RPS6KA2: variants seen among roughly 807,000 people sequenced by gnomAD.
RPS6KA2 encodes the protein ribosomal protein S6 kinase A2.
A neutral mutation model predicts 91.8 loss-of-function variants in RPS6KA2; 42 were observed. That is an observed-to-expected ratio of 0.46 (90% CI 0.36 to 0.59). The LOEUF (loss-of-function observed/expected upper bound fraction) is 0.59. Among genes scored for constraint, RPS6KA2 ranks in the 20% least tolerant of loss-of-function variants. The pLI, the probability that RPS6KA2 is intolerant of heterozygous loss-of-function variation, is 0.00. For synonymous variants in RPS6KA2, 414 were observed against 393.6 expected (o/e 1.05, Z -0.61); for missense variants, 798 against 978.5 (o/e 0.82, Z 2.46).
At chr6:166,574,953 C>T (rs928589634) in intron 1 of RPS6KA2, among the ~76,000 whole-genome samples, 1 of 152,062 alleles carries the variant, frequency 6.6e-6, no homozygotes, top group Non-Finnish European at 1.5e-5. Flanking sequence ...CTACTTTTGT[C>T]AACAGATAAG....
intron 3 of RPS6KA2, among the ~76,000 whole-genome samples, chr6:166,515,665 T>C (rs1782622465): frequency 6.6e-6 from 1 of 152,020 alleles, no homozygotes; most frequent in Non-Finnish European, 1.5e-5. Flanking sequence ...AGAATGAATG[T>C]AGGGAGGAAA....
At position 166,490,791 on chromosome 6, in the gene RPS6KA2, G is replaced by A. The variant is rs760344664; in HGVS notation, c.748-50C>T. The stretch of plus-strand genomic sequence containing the variant: ...GAGTTCATTCATCCAGATGGACCCG[G>A]CTTCACGGCAGAGTACCCCAGCAGG... On this transcript the variant is annotated intron_variant, in intron 8 of 20. Coordinates refer to ENST00000265678, the MANE Select transcript of RPS6KA2 (RefSeq NM_021135.6). This position sits in a 1 kb window ranked among gnomAD's most constrained non-coding sequence, Gnocchi z 4.2. The A allele has an allele frequency of 9.7e-6, 14 of 1,436,044 alleles. No homozygotes were observed. The highest frequency in any genetic ancestry group is 9.4e-5 in the South Asian group (8 of 85,106). The allele number at this position is 1,436,044 out of a possible 1,614,324, so 89.0% of individuals were successfully genotyped here. A position where few individuals can be genotyped will look rare whatever the true frequency, so the allele number is the denominator to read the frequency against.
intron 2 of RPS6KA2, among the ~76,000 whole-genome samples, chr6:166,788,591 A>G (rs1230965997): frequency 1.3e-5 from 2 of 152,322 alleles, no homozygotes; most frequent in Middle Eastern, 3.4e-3. Flanking sequence ...CAGAAACAGA[A>G]AACCAAATAC....
At chr6:166,685,470 T>G (rs2128568406) in intron 2 of RPS6KA2, among the ~76,000 whole-genome samples, 2 of 152,198 alleles carry the variant, frequency 1.3e-5, no homozygotes, top group South Asian at 4.1e-4. Context: ...GGGACAAGAG[T>G]CCAAGGATCC....
intron 2 of RPS6KA2, among the ~76,000 whole-genome samples, chr6:166,848,163 A>C (rs899060612): frequency 2.6e-5 from 4 of 152,236 alleles, no homozygotes; most frequent in Non-Finnish European, 4.4e-5. Context: ...AAATGCTTCA[A>C]CATCACTTAT....
At chr6:166,516,863 G>T (rs1000065489) in intron 3 of RPS6KA2, among the ~76,000 whole-genome samples, 2 of 152,220 alleles carry the variant, frequency 1.3e-5, no homozygotes, top group African/African-American at 4.8e-5. Flanking sequence ...GAAAAGGGGG[G>T]TTCCTACTCC....
intron 2 of RPS6KA2, among the ~76,000 whole-genome samples, chr6:166,774,720 G>A (rs754959167): frequency 4.6e-5 from 7 of 152,116 alleles, no homozygotes; most frequent in Non-Finnish European, 1.0e-4. Context: ...GCCCATATTG[G>A]GCTCCCAGCA....
intron 13 of RPS6KA2, among the ~76,000 whole-genome samples, chr6:166,449,850 AGGACCACCATGGGAACCACCACGC>A (rs764275816): frequency 0.1 from 9,094 of 86,936 alleles, 527 homozygotes; most frequent in East Asian, 0.3. Flanking sequence ...GACAACCACG[AGGACCACCATGGGAACCACCACGC>A]GGACCACCAT....
At chr6:166,713,942 CA>C (rs756329240) in intron 2 of RPS6KA2, among the ~76,000 whole-genome samples, 1 of 152,218 alleles carries the variant, frequency 6.6e-6, no homozygotes, top group Non-Finnish European at 1.5e-5. Flanking sequence ...CTGCTGCCAT[CA>C]CCCAGTTCCA....
chr6:166,529,940 G>A (rs188532685), intron 3 of RPS6KA2, among the ~76,000 whole-genome samples: 10 of 152,278 alleles, frequency 6.6e-5, no homozygotes, highest in East Asian at 1.9e-4. Context: ...GAAGTCCCAC[G>A]GACCTTCTAA....
chr6:166,839,453 TG>T (rs1780402868), intron 2 of RPS6KA2, among the ~76,000 whole-genome samples: 1 of 151,714 alleles, frequency 6.6e-6, no homozygotes, highest in Non-Finnish European at 1.5e-5. Flanking sequence ...GTACTATTGA[TG>T]TAGCAACTTT....
intron 1 of RPS6KA2, among the ~76,000 whole-genome samples, chr6:166,591,268 A>G (rs1006387554): frequency 3.3e-5 from 5 of 152,196 alleles, no homozygotes; most frequent in Non-Finnish European, 7.3e-5. Context: ...CGCGACCAAC[A>G]GTGCCACACT....
chr6:166,412,720 C>A lies in RPS6KA2; in HGVS notation c.*42G>T, dbSNP rs1326656774. On this transcript the variant is annotated 3_prime_UTR_variant, in exon 21 of 21. Coordinates refer to ENST00000265678, the MANE Select transcript of RPS6KA2 (RefSeq NM_021135.6). This position sits in a 1 kb window ranked among gnomAD's most constrained non-coding sequence, Gnocchi z 4.3. ...TCCGAGGCCGGGGTCTGTGAGCCCA[C>A]GAGGATGCTGGCAGGGGACGCTGGG... The A allele has an allele frequency of 3.2e-6, 5 of 1,551,306 alleles. No homozygotes were observed. The highest frequency in any genetic ancestry group is 4.4e-6 in the Non-Finnish European group (5 of 1,149,068).
At chr6:166,642,446 T>C (rs2128550610) in intron 2 of RPS6KA2, among the ~76,000 whole-genome samples, 1 of 152,332 alleles carries the variant, frequency 6.6e-6, no homozygotes, top group Non-Finnish European at 1.5e-5. Context: ...TATTGTATAA[T>C]TTGTGGACTT....
chr6:166,432,105 C>T (rs1779151864), intron 15 of RPS6KA2, among the ~76,000 whole-genome samples: 2 of 152,136 alleles, frequency 1.3e-5, no homozygotes, highest in Admixed American at 1.3e-4. Context: ...GCTCCCGGAT[C>T]CCAAACCCTG....
intron 1 of RPS6KA2, among the ~76,000 whole-genome samples, chr6:166,570,265 T>C (rs1178967191): frequency 6.6e-6 from 1 of 152,070 alleles, no homozygotes; most frequent in African/African-American, 2.4e-5. Flanking sequence ...AGCACCCCGG[T>C]ATGGAGAAAC....
At chr6:166,593,130 C>T (rs536093919) in intron 1 of RPS6KA2, among the ~76,000 whole-genome samples, 2 of 152,274 alleles carry the variant, frequency 1.3e-5, no homozygotes, top group African/African-American at 2.4e-5. Context: ...CCAAAGAAGG[C>T]GGCATGAAGT....
intron 2 of RPS6KA2, among the ~76,000 whole-genome samples, chr6:166,659,011 C>T (rs1440253219): frequency 1.3e-5 from 2 of 152,140 alleles, no homozygotes; most frequent in Non-Finnish European, 2.9e-5. Context: ...ATACATGCTT[C>T]TCCGGTAAAC....
chr6:166,501,669 C>T (rs544207493), intron 6 of RPS6KA2, among the ~76,000 whole-genome samples: 1 of 152,290 alleles, frequency 6.6e-6, no homozygotes, highest in African/African-American at 2.4e-5. Flanking sequence ...GGCATAAATC[C>T]CTTCTTCCCT....
Sources: allele counts gnomAD v4.1 joint callset (sites outside exome capture counted in the v4.1 genomes callset), GRCh38; gene constraint gnomAD v4.1.1; non-coding constraint Gnocchi (gnomAD v3.1); transcripts MANE v1.5; gene names NCBI Gene and HGNC (gene_info 2026-07-23, HGNC 2026-07-21).